Variants in FANCC observed in about 807,000 individuals in gnomAD.
The protein encoded by FANCC is Fanconi anemia group C protein.
FANCC carries 55 observed loss-of-function variants against 71.3 expected under a neutral mutation model. The ratio of observed to expected loss-of-function variants is 0.77; its 90% confidence interval spans 0.62 to 0.97. The LOEUF (loss-of-function observed/expected upper bound fraction) is 0.97, where lower values mean the gene tolerates loss of function less well. FANCC is among the 50% of genes least tolerant of loss of function. The pLI, the probability that FANCC is intolerant of heterozygous loss-of-function variation, is 0.00. For synonymous variants in FANCC, 275 were observed against 244.9 expected (o/e 1.12, Z -1.15); for missense variants, 678 against 670.9 (o/e 1.01, Z -0.12).
intron 6 of FANCC, among the ~76,000 whole-genome samples, chr9:95,161,411 T>C (rs1349201962): frequency 1.3e-5 from 2 of 152,168 alleles, no homozygotes; most frequent in African/African-American, 4.8e-5. Flanking sequence ...TTCCCATAAT[T>C]ATTGGAGGCT....
At chr9:95,151,742 A>G (rs919840956) in intron 6 of FANCC, among the ~76,000 whole-genome samples, 11 of 152,104 alleles carry the variant, frequency 7.2e-5, no homozygotes, top group African/African-American at 2.7e-4. Flanking sequence ...AGCACAGGTA[A>G]CATGGAGAAA....
rs533234035 is a variant in FANCC at position 95,122,485 on chromosome 9, C to T, written c.996+2601G>A. On this transcript the variant is annotated intron_variant, in intron 10 of 14. Transcript: ENST00000289081. ...TGCAGGCATTGGCAAAGCAAAGAGA[C>T]TTTCCTTTCCTTTGTTGAGCTGAAG... Among the ~76,000 whole-genome samples, 3 of 152,270 alleles carry T rather than the reference C, an allele frequency of 2.0e-5. No individual in the cohort carries two copies. The South Asian group carries it at 6.2e-4, about 32-fold the overall frequency.
chr9:95,223,737 G>A (rs1215596560), intron 4 of FANCC, among the ~76,000 whole-genome samples: 2 of 152,178 alleles, frequency 1.3e-5, no homozygotes, highest in African/African-American at 4.8e-5. Flanking sequence ...AGCACTTTGG[G>A]AGGCCAAGGC....
chr9:95,128,857 G>A (rs937232777), intron 8 of FANCC, among the ~76,000 whole-genome samples: 3 of 152,044 alleles, frequency 2.0e-5, no homozygotes, highest in Admixed American at 1.3e-4. Context: ...CAGGAGGCAG[G>A]GGAACCTGCA....
rs1314066337 is a variant in FANCC at position 95,135,498 on chromosome 9, T to C, written c.691A>G (p.Lys231Glu). 1 of 1,613,926 alleles carries C rather than the reference T, an allele frequency of 6.2e-7. No individual in the cohort carries two copies. The highest frequency in any genetic ancestry group is 2.2e-5 in the East Asian group (1 of 44,882). ...EAVNEAILLK[K>E]ISLPMSAVVC... ...ACAGCTGACATGGGGAGAGAAATCTTCTTCCTTTCAGAAAGAAATAAACAA... is the reference window on the plus strand; with the variant it reads ...ACAGCTGACATGGGGAGAGAAATCTCCTTCCTTTCAGAAAGAAATAAACAA... Residue 231 changes from lysine to glutamate, a missense_variant, in exon 8 of 15, where the codon AAG becomes GAG. Transcript: ENST00000289081.
At chr9:95,218,202 T>C (rs1399640334) in intron 4 of FANCC, among the ~76,000 whole-genome samples, 1 of 152,230 alleles carries the variant, frequency 6.6e-6, no homozygotes, top group African/African-American at 2.4e-5. Context: ...TGGTGGCCCA[T>C]GCCTGTTATC....
intron 4 of FANCC, among the ~76,000 whole-genome samples, chr9:95,218,824 TCAAA>T (rs1276709888): frequency 6.6e-6 from 1 of 152,108 alleles, no homozygotes; most frequent in Non-Finnish European, 1.5e-5. Context: ...CATGGAAACA[TCAAA>T]CAAACAACTA....
chr9:95,308,245 T>A (rs1835177891), intron 1 of FANCC, among the ~76,000 whole-genome samples: 1 of 152,284 alleles, frequency 6.6e-6, no homozygotes, highest in African/African-American at 2.4e-5. Flanking sequence ...AGGCTTAATT[T>A]TTTTTTCTTT....
intron 14 of FANCC, 38 bp downstream of exon 14, chr9:95,107,022 GAGCAGA>G (rs772332109): frequency 4.4e-5 from 71 of 1,600,296 alleles, no homozygotes; most frequent in Non-Finnish European, 5.5e-5. Context: ...CTCTCGCCTG[GAGCAGA>G]AATGAGTACT....
chr9:95,238,046 T>C (rs990847225), intron 4 of FANCC, among the ~76,000 whole-genome samples: 4 of 152,332 alleles, frequency 2.6e-5, no homozygotes, highest in Non-Finnish European at 4.4e-5. Context: ...GCATTAGATA[T>C]GAATGAGCAC....
chr9:95,292,310 A>G (rs1834074821), intron 1 of FANCC: 2 of 522,728 alleles, frequency 3.8e-6, no homozygotes, highest in Non-Finnish European at 5.0e-6. Flanking sequence ...CACAACTGCG[A>G]GCTGGGCCTG....
intron 1 of FANCC, among the ~76,000 whole-genome samples, chr9:95,279,379 C>A (rs1201724699): frequency 2.7e-5 from 4 of 150,730 alleles, no homozygotes; most frequent in Non-Finnish European, 4.4e-5. Context: ...GTGGTGCATG[C>A]CTGTGGTCCC....
chr9:95,184,097 C>A (rs1291826272), intron 4 of FANCC, among the ~76,000 whole-genome samples: 1 of 151,956 alleles, frequency 6.6e-6, no homozygotes, highest in African/African-American at 2.4e-5. Context: ...TGCCCGAATG[C>A]TGAATTAGTT....
intron 4 of FANCC, among the ~76,000 whole-genome samples, chr9:95,239,855 T>A (rs1413090771): frequency 6.6e-6 from 1 of 152,212 alleles, no homozygotes; most frequent in Non-Finnish European, 1.5e-5. Context: ...CCATATGCAC[T>A]AATCTGGTTG....
intron 12 of FANCC, among the ~76,000 whole-genome samples, chr9:95,112,325 T>C (rs1416605286): frequency 6.6e-6 from 1 of 152,186 alleles, no homozygotes; most frequent in African/African-American, 2.4e-5. Context: ...ACATTCCTTC[T>C]GGACTGGGGC....
intron 4 of FANCC, among the ~76,000 whole-genome samples, chr9:95,203,378 C>CAAAAA (rs55960295): frequency 0.32 from 33,555 of 104,072 alleles, 5,952 homozygotes; most frequent in East Asian, 0.51. Context: ...GACCCTGTCT[C>CAAAAA]AAAAAAAAAA....
intron 6 of FANCC, among the ~76,000 whole-genome samples, chr9:95,153,321 G>T (rs566802349): frequency 6.6e-6 from 1 of 151,844 alleles, no homozygotes; most frequent in African/African-American, 2.4e-5. Flanking sequence ...ATATGCAAGT[G>T]GTTTTTTTTT....
At chr9:95,191,237 G>A (rs1827080037) in intron 4 of FANCC, among the ~76,000 whole-genome samples, 1 of 151,836 alleles carries the variant, frequency 6.6e-6, no homozygotes, top group African/African-American at 2.4e-5. Context: ...GAAAGCCTGA[G>A]TGCTCCCTCC....
At chr9:95,311,515 A>G (rs990022304) in intron 1 of FANCC, among the ~76,000 whole-genome samples, 1 of 152,222 alleles carries the variant, frequency 6.6e-6, no homozygotes, top group Non-Finnish European at 1.5e-5. Flanking sequence ...TGAACCAGGT[A>G]AAGAAGGAAT....
Sources: gnomAD v4.1 joint callset for allele counts (sites outside exome capture counted in the v4.1 genomes callset) on GRCh38, gnomAD v4.1.1 for gene constraint, MANE v1.5 for transcripts, NCBI Gene and HGNC (gene_info 2026-07-23, HGNC 2026-07-21) for gene names.